MEGF11: variants seen among roughly 807,000 people sequenced by gnomAD.
MEGF11 encodes multiple epidermal growth factor-like domains protein 11.
In MEGF11, 126 loss-of-function variants were observed where a neutral mutation model predicts 146.6. The ratio of observed to expected loss-of-function variants is 0.86; its 90% CI spans 0.74 to 1.00. The LOEUF (loss-of-function observed/expected upper bound fraction) is 1.00. Ranked by LOEUF, MEGF11 falls within the 50% of genes least tolerant of loss-of-function variation. The pLI is 0.00. For missense variants in MEGF11, 1,509 were observed against 1,521.2 expected, an observed-to-expected ratio of 0.99 and a Z score of 0.13; for synonymous variants, 532 against 583.4, an observed-to-expected ratio of 0.91 and a Z score of 1.27.
chr15:65,906,425 C>T (rs1368595549), intron 23 of MEGF11, among the ~76,000 whole-genome samples: 1 of 152,222 alleles, frequency 6.6e-6, no homozygotes, highest in Non-Finnish European at 1.5e-5. Context: ...TTCCCTTTAA[C>T]CTTCACCCTA....
intron 5 of MEGF11, among the ~76,000 whole-genome samples, chr15:66,034,804 C>G (rs2083665124): frequency 6.8e-6 from 1 of 146,276 alleles, no homozygotes; most frequent in African/African-American, 2.8e-5. Flanking sequence ...AATGAGTGTT[C>G]TGCCCTCATG....
chr15:66,136,060 G>C (rs969860337), intron 1 of MEGF11, among the ~76,000 whole-genome samples: 1 of 152,184 alleles, frequency 6.6e-6, no homozygotes, highest in African/African-American at 2.4e-5. Context: ...CAGCTGCAGG[G>C]AGATAATGCA....
At chr15:66,108,500 G>A (rs1446538519) in intron 4 of MEGF11, among the ~76,000 whole-genome samples, 1 of 152,174 alleles carries the variant, frequency 6.6e-6, no homozygotes, top group African/African-American at 2.4e-5. Context: ...AACAAAACAG[G>A]CTAAGAGGGT....
chr15:66,038,315 TCTC>T (rs1785555064), intron 5 of MEGF11, among the ~76,000 whole-genome samples: 1 of 152,132 alleles, frequency 6.6e-6, no homozygotes, highest in South Asian at 2.1e-4. Flanking sequence ...GCTGGATTCT[TCTC>T]CTGGTTTTGC....
chr15:66,224,509 G>A (rs1042376723), intron 1 of MEGF11, among the ~76,000 whole-genome samples: 58 of 151,576 alleles, frequency 3.8e-4, no homozygotes, highest in Non-Finnish European at 7.2e-4. Context: ...ACTTGAACCC[G>A]GGAGGCGGAG....
chr15:66,139,337 A>G lies in MEGF11; in HGVS notation c.-8-10926T>C, dbSNP rs566974694. 2.0e-5 allele frequency among the ~76,000 whole-genome samples: 3 copies of G among 152,338 alleles called. No homozygotes were observed. The South Asian group carries it at 6.2e-4, about 32-fold the overall frequency. ...AGGTTTAATTTGGAAAATGGTACAT[A>G]AGTCCCAGAGTCACTGTGTGCCTGG... On this transcript the variant is annotated intron_variant, in intron 1 of 25. Transcript: ENST00000395614.
intron 1 of MEGF11, among the ~76,000 whole-genome samples, chr15:66,140,252 T>A (rs899507349): frequency 9.2e-5 from 14 of 152,162 alleles, no homozygotes; most frequent in African/African-American, 3.1e-4. Context: ...ATACTCCACT[T>A]CCCTGGGCAG....
At chr15:65,999,273 T>C (rs564117481) in intron 5 of MEGF11, among the ~76,000 whole-genome samples, 25 of 152,122 alleles carry the variant, frequency 1.6e-4, no homozygotes, top group African/African-American at 4.3e-4. Context: ...CAAGCCATTA[T>C]CTGGCCATGG....
chr15:66,169,455 TTC>T (rs376611043), intron 1 of MEGF11, among the ~76,000 whole-genome samples: 10 of 151,110 alleles, frequency 6.6e-5, no homozygotes, highest in African/African-American at 9.7e-5. Context: ...CAGAGTCAGT[TTC>T]TCTCTCTCTC....
At chr15:66,044,661 C>G (rs1453449110) in intron 5 of MEGF11, among the ~76,000 whole-genome samples, 2 of 141,284 alleles carry the variant, frequency 1.4e-5, no homozygotes, top group Non-Finnish European at 3.0e-5. Flanking sequence ...GGCAAGGTAG[C>G]AAGACCTCGT....
At chr15:66,109,591 A>C (rs1243715459) in intron 4 of MEGF11, among the ~76,000 whole-genome samples, 1 of 152,198 alleles carries the variant, frequency 6.6e-6, no homozygotes, top group Non-Finnish European at 1.5e-5. Context: ...ATGGAGAGGC[A>C]AAACAACGTG....
intron 4 of MEGF11, among the ~76,000 whole-genome samples, chr15:66,108,562 A>G (rs2087219813): frequency 6.6e-6 from 1 of 152,226 alleles, no homozygotes; most frequent in African/African-American, 2.4e-5. Flanking sequence ...CGGTCAGGGA[A>G]GCCTCTCTGA....
chr15:65,900,223 TGA>T (rs927140776), intron 24 of MEGF11, among the ~76,000 whole-genome samples: 10 of 152,232 alleles, frequency 6.6e-5, no homozygotes, highest in African/African-American at 1.9e-4. Context: ...TAGCAGATGG[TGA>T]AATTCTTGGA....
chr15:65,994,855 A>C (rs1244200416), intron 5 of MEGF11, among the ~76,000 whole-genome samples: 1 of 152,216 alleles, frequency 6.6e-6, no homozygotes, highest in African/African-American at 2.4e-5. Context: ...CAAAGGCAAC[A>C]TCTGGAGCCA....
intron 5 of MEGF11, among the ~76,000 whole-genome samples, chr15:65,986,493 CAAAA>C (rs955714390): frequency 6.7e-6 from 1 of 149,610 alleles, no homozygotes; most frequent in East Asian, 2.0e-4. Flanking sequence ...AGTGATTAAA[CAAAA>C]AAAAACAATG....
intron 1 of MEGF11, among the ~76,000 whole-genome samples, chr15:66,144,798 T>C (rs1463708429): frequency 6.6e-6 from 1 of 152,230 alleles, no homozygotes; most frequent in Non-Finnish European, 1.5e-5. Flanking sequence ...GTAGCATCCA[T>C]GGCAGATCCT....
chr15:66,213,980 T>A (rs1007615139), intron 1 of MEGF11, among the ~76,000 whole-genome samples: 1 of 148,374 alleles, frequency 6.7e-6, no homozygotes, highest in Non-Finnish European at 1.5e-5. Flanking sequence ...ACCCTTCTCC[T>A]CTCCCTGAGA....
At chr15:65,918,982 A>C (rs1315313944) in intron 15 of MEGF11, among the ~76,000 whole-genome samples, 1 of 152,214 alleles carries the variant, frequency 6.6e-6, no homozygotes, top group Non-Finnish European at 1.5e-5. Flanking sequence ...GCCACAAAAT[A>C]AAGTCGATCC....
chr15:66,206,682 C>T (rs2091308185), intron 1 of MEGF11, among the ~76,000 whole-genome samples: 1 of 151,916 alleles, frequency 6.6e-6, no homozygotes, highest in African/African-American at 2.4e-5. Context: ...GGGTGGATCA[C>T]GAGGTCAGGA....
Sources: allele counts gnomAD v4.1 joint callset (sites outside exome capture counted in the v4.1 genomes callset), GRCh38; gene constraint gnomAD v4.1.1; transcripts MANE v1.5; gene names NCBI Gene and HGNC (gene_info 2026-07-23, HGNC 2026-07-21).